MAMDC2: variants seen among roughly 807,000 people sequenced by gnomAD.
MAMDC2 encodes the protein MAM domain-containing protein 2.
In MAMDC2, 57 loss-of-function variants were observed where a neutral mutation model predicts 89.8. The ratio of observed to expected loss-of-function variants is 0.63; its 90% CI spans 0.51 to 0.79. The LOEUF is 0.79. Ranked by LOEUF, MAMDC2 falls within the 30% of genes least tolerant of loss-of-function variation. The pLI is 0.00. For missense variants in MAMDC2, 800 were observed against 820.6 expected, an observed-to-expected ratio of 0.97 and a Z score of 0.31; for synonymous variants, 313 against 293.4, an observed-to-expected ratio of 1.07 and a Z score of -0.68.
At chr9:70,102,872 C>G (rs1421264533) in intron 2 of MAMDC2, among the ~76,000 whole-genome samples, 2 of 152,242 alleles carry the variant, frequency 1.3e-5, no homozygotes, top group Non-Finnish European at 2.9e-5. Context: ...GTTGGTAAAT[C>G]TCCCCCAGAT....
intron 11 of MAMDC2, among the ~76,000 whole-genome samples, chr9:70,178,434 A>T (rs1296425986): frequency 6.6e-6 from 1 of 152,080 alleles, no homozygotes; most frequent in African/African-American, 2.4e-5. Flanking sequence ...TGACCCAAAC[A>T]TCTCCCATTA....
chr9:70,098,746 A>T (rs1828088867), intron 2 of MAMDC2, among the ~76,000 whole-genome samples: 1 of 152,206 alleles, frequency 6.6e-6, no homozygotes, highest in African/African-American at 2.4e-5. Context: ...GGTGCAGGGG[A>T]AAAGGCATGG....
At chr9:70,190,145 A>C (rs1009888123) in intron 11 of MAMDC2, among the ~76,000 whole-genome samples, 2 of 152,008 alleles carry the variant, frequency 1.3e-5, no homozygotes, top group African/African-American at 4.8e-5. Context: ...ATAGTTTCCT[A>C]TTTCTTTGTG....
chr9:70,199,431 T>G (rs993230616), intron 11 of MAMDC2, among the ~76,000 whole-genome samples: 12 of 148,948 alleles, frequency 8.1e-5, no homozygotes, highest in African/African-American at 2.7e-4. Context: ...GTGCCACATT[T>G]TCTTAATCCA....
At chr9:70,205,024 C>T (rs1379861335) in intron 11 of MAMDC2, among the ~76,000 whole-genome samples, 1 of 152,244 alleles carries the variant, frequency 6.6e-6, no homozygotes, top group African/African-American at 2.4e-5. Context: ...TTCTGCCTCG[C>T]TCACGCTGGG....
rs573663368 is a variant in MAMDC2 at position 70,171,416 on chromosome 9, C to T, written c.1651+785C>T. Among the ~76,000 whole-genome samples the T allele has an allele frequency of 3.3e-5, 5 of 152,134 alleles. No individual in the cohort carries two copies. The East Asian group carries it at 7.7e-4, about 24-fold the overall frequency. ...TTGGAAGGCTGAGGCAGGAGGATTG[C>T]TTGAGCCCAGGAGGTCAGGGCTACA... On this transcript the variant is annotated intron_variant, in intron 11 of 13. Transcript: ENST00000377182.
At chr9:70,130,635 G>A (rs550597125) in intron 6 of MAMDC2, among the ~76,000 whole-genome samples, 1 of 152,218 alleles carries the variant, frequency 6.6e-6, no homozygotes, top group African/African-American at 2.4e-5. Flanking sequence ...CTAACCATTG[G>A]AACATACCTG....
At chr9:70,087,112 T>C (rs1049291190) in intron 2 of MAMDC2, 3 of 152,096 alleles carry the variant, frequency 2.0e-5, no homozygotes, top group Non-Finnish European at 4.4e-5. Context: ...CTGACCACCT[T>C]CTACTGTCCT....
intron 11 of MAMDC2, among the ~76,000 whole-genome samples, chr9:70,195,985 T>C (rs919663916): frequency 1.3e-5 from 2 of 151,736 alleles, no homozygotes; most frequent in African/African-American, 4.8e-5. Context: ...GGAAAGGAGG[T>C]TTAATGGACT....
chr9:70,189,115 T>C (rs1174685884), intron 11 of MAMDC2, among the ~76,000 whole-genome samples: 2 of 152,184 alleles, frequency 1.3e-5, no homozygotes, highest in Non-Finnish European at 2.9e-5. Flanking sequence ...AATATACTTA[T>C]TCTGTTCTTT....
At chr9:70,184,818 G>T (rs2032717041) in intron 11 of MAMDC2, among the ~76,000 whole-genome samples, 1 of 151,878 alleles carries the variant, frequency 6.6e-6, no homozygotes, top group Non-Finnish European at 1.5e-5. Context: ...CTTGCATTGG[G>T]TTAGAACATG....
intron 2 of MAMDC2, among the ~76,000 whole-genome samples, chr9:70,066,259 C>A (rs539011919): frequency 6.6e-6 from 1 of 152,048 alleles, no homozygotes; most frequent in Non-Finnish European, 1.5e-5. Context: ...AGGGCAAAAT[C>A]CCTGAGGAAA....
At chr9:70,128,388 C>T (rs1338426898) in intron 6 of MAMDC2, among the ~76,000 whole-genome samples, 1 of 152,210 alleles carries the variant, frequency 6.6e-6, no homozygotes, top group African/African-American at 2.4e-5. Flanking sequence ...CATAAGTCCA[C>T]ATCTTTTCCT....
At chr9:70,225,704 A>G (rs1481456597) in intron 12 of MAMDC2, 46 bp from the exon 13 acceptor site, 1 of 1,247,994 alleles carries the variant, frequency 8.0e-7, no homozygotes, top group Non-Finnish European at 1.2e-6. Flanking sequence ...CCAGCACTGT[A>G]ATCAGGATGA....
intron 5 of MAMDC2, among the ~76,000 whole-genome samples, chr9:70,123,547 G>T (rs745551540): frequency 1.3e-5 from 2 of 152,150 alleles, no homozygotes; most frequent in Non-Finnish European, 2.9e-5. Context: ...ATATGGTGGG[G>T]AGTGTTAGGC....
intron 11 of MAMDC2, among the ~76,000 whole-genome samples, chr9:70,217,867 C>G (rs1231817848): frequency 3.3e-5 from 5 of 152,154 alleles, no homozygotes; most frequent in African/African-American, 9.7e-5. Context: ...TAGGTATTAA[C>G]CCTTATCTTA....
intron 2 of MAMDC2, among the ~76,000 whole-genome samples, chr9:70,045,809 T>A (rs1488593394): frequency 6.6e-6 from 1 of 152,210 alleles, no homozygotes; most frequent in Non-Finnish European, 1.5e-5. Flanking sequence ...CATATCACAG[T>A]GTCACTGAGT....
intron 11 of MAMDC2, among the ~76,000 whole-genome samples, chr9:70,175,149 C>T (rs548033458): frequency 4.5e-4 from 69 of 152,234 alleles, no homozygotes; most frequent in African/African-American, 1.5e-3. Context: ...AAAGACTAGG[C>T]GTGCAAATGA....
chr9:70,141,907 G>A (rs1339174265), intron 8 of MAMDC2, among the ~76,000 whole-genome samples: 1 of 152,164 alleles, frequency 6.6e-6, no homozygotes, highest in South Asian at 2.1e-4. Flanking sequence ...GGGACAGAAT[G>A]TTCCTCCCTT....
Sources: allele counts gnomAD v4.1 joint callset (sites outside exome capture counted in the v4.1 genomes callset), GRCh38; gene constraint gnomAD v4.1.1; transcripts MANE v1.5; gene names NCBI Gene and HGNC (gene_info 2026-07-23, HGNC 2026-07-21).